LAMC1: variants seen among roughly 807,000 people sequenced by gnomAD.
LAMC1 encodes the protein laminin subunit gamma-1.
LAMC1 carries 38 observed loss-of-function variants against 173.6 expected under a neutral mutation model. That is an observed-to-expected ratio of 0.22 (90% CI 0.17 to 0.29). LAMC1 has a LOEUF of 0.29. Among genes scored for constraint, LAMC1 ranks in the 10% least tolerant of loss-of-function variants. The probability of loss-of-function intolerance (pLI) is 1.00; values close to 1 mark genes in which losing one functional copy is unlikely to be tolerated. For missense variants in LAMC1, 1,824 were observed against 2,051.8 expected, an observed-to-expected ratio of 0.89 and a Z score of 2.14; for synonymous variants, 746 against 749.1, an observed-to-expected ratio of 1.00 and a Z score of 0.07.
intron 1 of LAMC1, among the ~76,000 whole-genome samples, chr1:183,083,920 TGTCACTGGAA>T (rs1327799841): frequency 7.9e-5 from 12 of 152,236 alleles, no homozygotes; most frequent in African/African-American, 2.7e-4. Context: ...GTAAGATTGC[TGTCACTGGAA>T]GTCACTGGAA....
intron 1 of LAMC1, among the ~76,000 whole-genome samples, chr1:183,047,319 G>A (rs183043877): frequency 6.6e-6 from 1 of 152,236 alleles, no homozygotes; most frequent in East Asian, 1.9e-4. Context: ...AGGGACTTGG[G>A]TTTTGTTTTG....
At chr1:183,028,461 A>C (rs1292321889) in intron 1 of LAMC1, among the ~76,000 whole-genome samples, 1 of 152,238 alleles carries the variant, frequency 6.6e-6, no homozygotes, top group East Asian at 1.9e-4. Context: ...AAGGGTGTCT[A>C]TATAATATTT....
At chr1:183,042,365 A>G (rs1252005815) in intron 1 of LAMC1, among the ~76,000 whole-genome samples, 1 of 152,166 alleles carries the variant, frequency 6.6e-6, no homozygotes, top group Non-Finnish European at 1.5e-5. Context: ...AACACCTGAA[A>G]GTGTATTATC....
chr1:183,079,231 G>GTTTTTTTTTTTTTTTTT (rs1262239438), intron 1 of LAMC1, among the ~76,000 whole-genome samples: 1 of 95,620 alleles, frequency 1.0e-5, no homozygotes, highest in African/African-American at 4.0e-5. Context: ...TCTCTAATCT[G>GTTTTTTTTTTTTTTTTT]GTTTTTTTTT....
Position 183,023,889 on chromosome 1 carries a change from C to G in LAMC1, c.173C>G (p.Ala58Gly). Residue 58 changes from alanine to glycine, a missense_variant, in exon 1 of 28, where the codon GCC becomes GGC. By Grantham distance (60) the Ala-to-Gly change is moderately conservative. Transcript: ENST00000258341. Reference sequence around the variant, plus strand: ...TGCATGCCCGAGTTCGTCAACGCCGCCTTCAACGTGACTGTGGTGGCCACC... The same window carrying G: ...TGCATGCCCGAGTTCGTCAACGCCGGCTTCAACGTGACTGTGGTGGCCACC... ...QRCMPEFVNA[A>G]FNVTVVATNT... 6.2e-7 allele frequency: 1 copy of G among 1,612,828 alleles called. No individual in the cohort carries two copies. The highest frequency in any genetic ancestry group is 8.5e-7 in the Non-Finnish European group (1 of 1,179,756).
intron 2 of LAMC1, among the ~76,000 whole-genome samples, chr1:183,105,240 A>C (rs1292334315): frequency 6.9e-6 from 1 of 144,980 alleles, no homozygotes; most frequent in African/African-American, 2.5e-5. Context: ...AAAAAAAAAA[A>C]AAAAAAGAAA....
At chr1:183,071,731 A>T (rs1290046900) in intron 1 of LAMC1, among the ~76,000 whole-genome samples, 2 of 152,126 alleles carry the variant, frequency 1.3e-5, no homozygotes, top group East Asian at 3.9e-4. Flanking sequence ...TTTATTGGTG[A>T]TTTCACTGCC....
At chr1:183,107,576 A>G (rs909342223) in intron 2 of LAMC1, among the ~76,000 whole-genome samples, 6 of 152,156 alleles carry the variant, frequency 3.9e-5, no homozygotes, top group African/African-American at 1.4e-4. Context: ...CACGCCTGTA[A>G]TCCCAGCACT....
chr1:183,027,191 C>T (rs570918498), intron 1 of LAMC1, among the ~76,000 whole-genome samples: 5 of 152,274 alleles, frequency 3.3e-5, no homozygotes, highest in African/African-American at 1.2e-4. Flanking sequence ...ATCCAGGGTG[C>T]AGGGTGCAGT....
intron 1 of LAMC1, among the ~76,000 whole-genome samples, chr1:183,057,230 A>G (rs762653897): frequency 6.6e-6 from 1 of 152,240 alleles, no homozygotes; most frequent in African/African-American, 2.4e-5. Context: ...AAGAAAAGGT[A>G]TTTAGTAGTG....
chr1:183,127,321 C>G lies in LAMC1; in HGVS notation c.3040C>G (p.Gln1014Glu), dbSNP rs772122099. 5 of 1,614,138 alleles carry G rather than the reference C, an allele frequency of 3.1e-6. No homozygotes were observed. In the East Asian group the frequency reaches 1.1e-4, roughly 36 times the overall value. Reference sequence around the variant, plus strand: ...AGGCTTTGTGGGAAATCGCTGTGACCAGTGTGAAGAAAACTATTTCTACAA... The same window carrying G: ...AGGCTTTGTGGGAAATCGCTGTGACGAGTGTGAAGAAAACTATTTCTACAA... Reference protein sequence around the residue: ...REGFVGNRCDQCEENYFYNRS... With the variant: ...REGFVGNRCDECEENYFYNRS... The change falls in exon 17 of 28, where the codon CAG (glutamine) becomes GAG (glutamate). Residue 1014 changes from glutamine (Q) to glutamate (E), a missense_variant. Transcript: ENST00000258341.
intron 1 of LAMC1, among the ~76,000 whole-genome samples, chr1:183,098,579 G>C (rs879873912): frequency 6.6e-6 from 1 of 152,102 alleles, no homozygotes; most frequent in Non-Finnish European, 1.5e-5. Flanking sequence ...CTTTTTTCTA[G>C]TCAGCTACCT....
intron 13 of LAMC1, among the ~76,000 whole-genome samples, chr1:183,122,736 T>TG (rs923722557): frequency 2.0e-5 from 3 of 152,096 alleles, no homozygotes; most frequent in African/African-American, 4.8e-5. Flanking sequence ...AAAGCACATA[T>TG]GGGAGCTCAC....
rs141247274 is a variant in LAMC1 at position 183,093,630 on chromosome 1, C to G, written c.419-9698C>G. 2.2e-4 allele frequency among the ~76,000 whole-genome samples: 33 copies of G among 152,256 alleles called. No homozygotes were observed. The East Asian group carries it at 6.0e-3, about 28-fold the overall frequency. ...TCCAGATTTCTCTCTCTTGCTGCAGCCTTTTCCTGAACTCCAGACTTTTAT... is the reference window on the plus strand; with the variant it reads ...TCCAGATTTCTCTCTCTTGCTGCAGGCTTTTCCTGAACTCCAGACTTTTAT... On this transcript the variant is annotated intron_variant, in intron 1 of 27. Coordinates refer to ENST00000258341, the MANE Select transcript of LAMC1 (RefSeq NM_002293.4).
chr1:183,038,438 C>G lies in LAMC1; in HGVS notation c.418+14304C>G, dbSNP rs1654040756. On this transcript the variant is annotated intron_variant, in intron 1 of 27. Coordinates refer to ENST00000258341, the MANE Select transcript of LAMC1 (RefSeq NM_002293.4). ...GTTGGGCTTAAAATGTCCTCAGTGT[C>G]CTCCCTTCTCTCTGCTGTTTTTTGT... 2.6e-5 allele frequency among the ~76,000 whole-genome samples: 4 copies of G among 152,164 alleles called. No homozygotes were observed. In the South Asian group the frequency reaches 8.3e-4, roughly 32 times the overall value.
At position 183,096,096 on chromosome 1, in the gene LAMC1, A is replaced by G. The variant is rs941818702; in HGVS notation, c.419-7232A>G. 2.6e-5 allele frequency among the ~76,000 whole-genome samples: 4 copies of G among 152,220 alleles called. No individual in the cohort carries two copies. In the East Asian group the frequency reaches 5.8e-4, roughly 22 times the overall value. On this transcript the variant is annotated intron_variant, in intron 1 of 27. Transcript: ENST00000258341. ...CATTTTGGGGCATTGCAATTAGGCA[A>G]TGCAAGCAGAAAGCTTTTATTTTTT... is the stretch of plus-strand genomic sequence containing the variant.
At chr1:183,047,291 T>C (rs916167526) in intron 1 of LAMC1, among the ~76,000 whole-genome samples, 2 of 152,172 alleles carry the variant, frequency 1.3e-5, no homozygotes, top group East Asian at 3.8e-4. Flanking sequence ...CAGTGGTAAC[T>C]CAAGGAAGCA....
At chr1:183,081,325 T>C (rs1655270144) in intron 1 of LAMC1, among the ~76,000 whole-genome samples, 1 of 152,032 alleles carries the variant, frequency 6.6e-6, no homozygotes, top group African/African-American at 2.4e-5. Flanking sequence ...TGGCCAGGCA[T>C]GGTGGCTCAC....
intron 1 of LAMC1, among the ~76,000 whole-genome samples, chr1:183,074,599 G>A (rs1248333720): frequency 6.6e-6 from 1 of 152,196 alleles, no homozygotes; most frequent in African/African-American, 2.4e-5. Context: ...AGCCTGAGTT[G>A]CAGGTTTTAT....
Sources: allele counts gnomAD v4.1 joint callset (sites outside exome capture counted in the v4.1 genomes callset), GRCh38; gene constraint gnomAD v4.1.1; transcripts MANE v1.5; gene names NCBI Gene and HGNC (gene_info 2026-07-23, HGNC 2026-07-21).